Variants in ZNF148 observed in about 807,000 individuals in gnomAD.
ZNF148 encodes Beta-Enolase Repressor Factor-1.
In ZNF148, 7 loss-of-function variants were observed where a neutral mutation model predicts 67.7. The ratio of observed to expected loss-of-function variants is 0.10; its 90% CI spans 0.06 to 0.19. The LOEUF (loss-of-function observed/expected upper bound fraction) is 0.19. Among genes scored for constraint, ZNF148 ranks in the 10% least tolerant of loss-of-function variants. ZNF148 has a pLI of 1.00. For synonymous variants in ZNF148, 333 were observed against 330.7 expected (o/e 1.01, Z -0.08); for missense variants, 583 against 947.1 (o/e 0.62, Z 5.05).
chr3:125,314,560 G>A (rs1159412471), intron 3 of ZNF148, among the ~76,000 whole-genome samples: 2 of 152,024 alleles, frequency 1.3e-5, no homozygotes, highest in African/African-American at 4.8e-5. Flanking sequence ...CTTTACTAAG[G>A]TTATCATTAA....
chr3:125,273,548 T>C (rs925070518), intron 7 of ZNF148, among the ~76,000 whole-genome samples: 1 of 147,324 alleles, frequency 6.8e-6, no homozygotes, highest in Non-Finnish European at 1.5e-5. Context: ...CAGGCTGGAG[T>C]GCAATGGCAT....
At chr3:125,322,744 T>C (rs1384961702) in intron 3 of ZNF148, among the ~76,000 whole-genome samples, 1 of 152,214 alleles carries the variant, frequency 6.6e-6, no homozygotes, top group Non-Finnish European at 1.5e-5. Flanking sequence ...TTTCTACCTT[T>C]ATAAGCCTCT....
At chr3:125,333,375 C>A (rs537914776) in intron 1 of ZNF148, among the ~76,000 whole-genome samples, 1 of 152,188 alleles carries the variant, frequency 6.6e-6, no homozygotes, top group African/African-American at 2.4e-5. Context: ...GAATGTCTTT[C>A]CCACACAACC....
At chr3:125,336,833 T>C (rs1347265148) in intron 1 of ZNF148, among the ~76,000 whole-genome samples, 3 of 151,676 alleles carry the variant, frequency 2.0e-5, no homozygotes, top group Admixed American at 2.0e-4. Flanking sequence ...CGTGCCTCCA[T>C]GCTCAGCTAA....
At chr3:125,267,522 C>T (rs1285124845) in intron 7 of ZNF148, among the ~76,000 whole-genome samples, 1 of 152,036 alleles carries the variant, frequency 6.6e-6, no homozygotes, top group Non-Finnish European at 1.5e-5. Context: ...TTGATAAAAT[C>T]CAGCATCCCT....
chr3:125,291,259 C>T (rs1214066903), intron 4 of ZNF148, among the ~76,000 whole-genome samples: 1 of 152,116 alleles, frequency 6.6e-6, no homozygotes, highest in East Asian at 1.9e-4. Context: ...CCAATGTATT[C>T]TTCTACAAAT....
intron 1 of ZNF148, among the ~76,000 whole-genome samples, chr3:125,355,954 TTCC>T (rs1422991509): frequency 6.6e-6 from 1 of 152,198 alleles, no homozygotes; most frequent in Non-Finnish European, 1.5e-5. Context: ...ATTAACTTAA[TTCC>T]TCTTCTCCCT....
chr3:125,247,338 TTTC>T (rs1936645555), intron 7 of ZNF148, among the ~76,000 whole-genome samples: 1 of 152,346 alleles, frequency 6.6e-6, no homozygotes, highest in African/African-American at 2.4e-5. Flanking sequence ...TTTTCTGGGT[TTTC>T]TTTTGCAGAG....
intron 7 of ZNF148, among the ~76,000 whole-genome samples, chr3:125,244,847 T>C (rs1051114519): frequency 6.6e-6 from 1 of 152,058 alleles, no homozygotes; most frequent in African/African-American, 2.4e-5. Flanking sequence ...AAGTGATCCC[T>C]TTCTTTTTCT....
Position 125,232,142 on chromosome 3 carries a change from G to T in ZNF148, c.*199C>A. The T allele has an allele frequency of 3.6e-6, 2 of 553,622 alleles. No individual in the cohort carries two copies. Among genetic ancestry groups the T allele is most frequent in the Non-Finnish European group, 5.9e-6 (2 of 338,850 alleles). 34.3% of individuals were successfully genotyped at this position (553,622 alleles called of 1,614,324 possible). A position where few individuals can be genotyped will look rare whatever the true frequency, so the allele number is the denominator to read the frequency against. Reference sequence around the variant, plus strand: ...AGTAATGCATTGCTTCTATAAAGGTGACAACATGTAAGGCAGTTCAAAGAA... The same window carrying T: ...AGTAATGCATTGCTTCTATAAAGGTTACAACATGTAAGGCAGTTCAAAGAA... On this transcript the variant is annotated 3_prime_UTR_variant, in exon 9 of 9. Coordinates refer to ENST00000360647, the MANE Select transcript of ZNF148 (RefSeq NM_021964.3). This position sits in a 1 kb window ranked among gnomAD's most constrained non-coding sequence, Gnocchi z 4.2.
At chr3:125,346,267 T>C (rs1019572314) in intron 1 of ZNF148, among the ~76,000 whole-genome samples, 10 of 152,170 alleles carry the variant, frequency 6.6e-5, no homozygotes, top group Non-Finnish European at 1.5e-5. Flanking sequence ...TTTGATGAAA[T>C]ACAACACCAT....
At chr3:125,323,572 A>T in intron 2 of ZNF148, 128 bp from the exon 3 acceptor site, 2 of 497,740 alleles carry the variant, frequency 4.0e-6, no homozygotes, top group Non-Finnish European at 7.1e-6. Context: ...GTTATGACTG[A>T]ATGACCAATG....
chr3:125,299,117 A>C (rs931067199), intron 4 of ZNF148, among the ~76,000 whole-genome samples: 1 of 152,204 alleles, frequency 6.6e-6, no homozygotes, highest in Middle Eastern at 3.2e-3. Context: ...CCTTGTTTTA[A>C]TATTTACAAT....
At chr3:125,241,900 T>A (rs1936381564) in intron 7 of ZNF148, among the ~76,000 whole-genome samples, 1 of 152,246 alleles carries the variant, frequency 6.6e-6, no homozygotes, top group Non-Finnish European at 1.5e-5. Context: ...TATTTCCCTA[T>A]AACTCACTAT....
At chr3:125,333,110 G>A (rs1273485763) in intron 1 of ZNF148, among the ~76,000 whole-genome samples, 1 of 152,152 alleles carries the variant, frequency 6.6e-6, no homozygotes, top group East Asian at 1.9e-4. Flanking sequence ...TCATGAGCTA[G>A]TAACATCTAT....
Position 125,340,337 on chromosome 3 carries a change from C to T in ZNF148, c.-233-9099G>A, listed in dbSNP as rs150966711. Among the ~76,000 whole-genome samples the T allele has an allele frequency of 1.6e-3, 245 of 152,314 alleles. 1 individual carries two copies. Among genetic ancestry groups the T allele is most frequent in the Non-Finnish European group, 3.0e-3 (205 of 68,032 alleles). On this transcript the variant is annotated intron_variant, in intron 1 of 8. Coordinates refer to ENST00000360647, the MANE Select transcript of ZNF148 (RefSeq NM_021964.3). ...AAAGACCACAGGAAGCACTCTTCTT[C>T]CCTATTTGGCCTGAGGCTGTTTTCC...
At chr3:125,293,580 A>C (rs1249132774) in intron 4 of ZNF148, among the ~76,000 whole-genome samples, 1 of 152,228 alleles carries the variant, frequency 6.6e-6, no homozygotes, top group Non-Finnish European at 1.5e-5. Context: ...AAAAAGGATC[A>C]GAGGATGTCA....
At chr3:125,331,664 G>A (rs1941296744) in intron 1 of ZNF148, among the ~76,000 whole-genome samples, 1 of 152,062 alleles carries the variant, frequency 6.6e-6, no homozygotes, top group South Asian at 2.1e-4. Context: ...TCCCTCAGCT[G>A]AAAAAATCTA....
chr3:125,240,201 T>G (rs947448742), intron 7 of ZNF148, among the ~76,000 whole-genome samples: 2 of 152,106 alleles, frequency 1.3e-5, no homozygotes, highest in Non-Finnish European at 2.9e-5. Flanking sequence ...AAAAAGAAAT[T>G]AACTGGAGAA....
Sources: gnomAD v4.1 joint callset for allele counts (sites outside exome capture counted in the v4.1 genomes callset) on GRCh38, gnomAD v4.1.1 for gene constraint, Gnocchi (gnomAD v3.1) non-coding constraint, MANE v1.5 for transcripts, NCBI Gene and HGNC (gene_info 2026-07-23, HGNC 2026-07-21) for gene names.